The following CSMD1 variants were observed in gnomAD, a reference collection of about 807,000 sequenced individuals.
The protein encoded by CSMD1 is CUB and sushi domain-containing protein 1.
CSMD1 carries 213 observed loss-of-function variants against 417.5 expected under a neutral mutation model. The ratio of observed to expected loss-of-function variants is 0.51; its 90% CI spans 0.46 to 0.57. CSMD1 has a LOEUF of 0.57. CSMD1 is among the 20% of genes least tolerant of loss of function. The pLI is 0.00. For synonymous variants in CSMD1, 2,862 were observed against 1,736.8 expected (o/e 1.65, Z -16.11); for missense variants, 6,923 against 4,529.7 (o/e 1.53, Z -15.17).
At chr8:4,185,158 A>C (rs1185754494) in intron 3 of CSMD1, among the ~76,000 whole-genome samples, 2 of 149,730 alleles carry the variant, frequency 1.3e-5, no homozygotes, top group African/African-American at 4.9e-5. Flanking sequence ...AAAAAAAAAA[A>C]AAAAGCAAAC....
intron 12 of CSMD1, among the ~76,000 whole-genome samples, chr8:3,427,171 G>C (rs944806993): frequency 6.6e-6 from 1 of 152,134 alleles, no homozygotes; most frequent in Non-Finnish European, 1.5e-5. Flanking sequence ...ATCAAGATGA[G>C]ATTTTGGGTG....
chr8:3,736,284 C>A (rs115628427), intron 6 of CSMD1, among the ~76,000 whole-genome samples: 3,860 of 152,090 alleles, frequency 0.025, 157 homozygotes, highest in African/African-American at 0.088. Flanking sequence ...CTGTGTCACC[C>A]AGGCTAGAGT....
At chr8:4,451,773 G>C (rs1221439733) in intron 2 of CSMD1, among the ~76,000 whole-genome samples, 1 of 152,096 alleles carries the variant, frequency 6.6e-6, no homozygotes, top group East Asian at 1.9e-4. Context: ...ACCATCAGTA[G>C]TATTTGAGCA....
chr8:2,989,463 C>G (rs581502), intron 54 of CSMD1, among the ~76,000 whole-genome samples: 1,734 of 152,302 alleles, frequency 0.011, 27 homozygotes, highest in African/African-American at 0.04. Flanking sequence ...CATTAACCTC[C>G]TCCTCCATCC....
At chr8:3,329,323 G>T (rs1209435841) in intron 23 of CSMD1, among the ~76,000 whole-genome samples, 1 of 152,050 alleles carries the variant, frequency 6.6e-6, no homozygotes, top group Non-Finnish European at 1.5e-5. Context: ...CTAAGAGCAG[G>T]CTTCATCATG....
chr8:4,366,589 T>A (rs991475223), intron 3 of CSMD1, among the ~76,000 whole-genome samples: 5 of 152,170 alleles, frequency 3.3e-5, no homozygotes, highest in African/African-American at 1.2e-4. Flanking sequence ...CACCAGCATC[T>A]GTTGTTTTTT....
At chr8:4,932,917 G>A (rs1405536591) in intron 1 of CSMD1, among the ~76,000 whole-genome samples, 18 of 152,160 alleles carry the variant, frequency 1.2e-4, no homozygotes, top group Admixed American at 9.2e-4. Flanking sequence ...CTGCCTAATA[G>A]TGAATTAAAT....
At chr8:4,707,144 G>A (rs1340701541) in intron 1 of CSMD1, among the ~76,000 whole-genome samples, 3 of 152,258 alleles carry the variant, frequency 2.0e-5, no homozygotes, top group African/African-American at 4.8e-5. Flanking sequence ...ACAGTGATCT[G>A]GGTGAAAATA....
At chr8:4,775,626 T>C (rs1045546713) in intron 1 of CSMD1, among the ~76,000 whole-genome samples, 7 of 152,200 alleles carry the variant, frequency 4.6e-5, no homozygotes, top group African/African-American at 1.7e-4. Flanking sequence ...AAGCAAACTT[T>C]AGACAACACT....
rs1436648152 is a variant in CSMD1, at chr8:3,887,729, G to A, written c.818+110174C>T. Among the ~76,000 whole-genome samples the A allele has an allele frequency of 2.6e-5, 4 of 152,130 alleles. No individual in the cohort carries two copies. In the East Asian group the frequency reaches 5.8e-4, roughly 22 times the overall value. ...TTGGAAGGAAATAGCTTTGATCTGTGGATAGAAAAAACTCAGATTACTGTA... is the reference window on the plus strand; with the variant it reads ...TTGGAAGGAAATAGCTTTGATCTGTAGATAGAAAAAACTCAGATTACTGTA... On this transcript the variant is annotated intron_variant, in intron 5 of 69. Transcript: ENST00000635120.
chr8:4,549,517 G>A (rs765529195), intron 2 of CSMD1, among the ~76,000 whole-genome samples: 3 of 151,936 alleles, frequency 2.0e-5, no homozygotes, highest in Non-Finnish European at 4.4e-5. Flanking sequence ...AGATAATTTT[G>A]CAATTCCTCC....
intron 5 of CSMD1, among the ~76,000 whole-genome samples, chr8:3,995,533 A>T (rs1237060382): frequency 6.6e-6 from 1 of 152,184 alleles, no homozygotes; most frequent in African/African-American, 2.4e-5. Flanking sequence ...CCTGGACTAC[A>T]CTGACTGAGG....
At chr8:4,834,998 AAAG>A in intron 1 of CSMD1, among the ~76,000 whole-genome samples, 1 of 86,132 alleles carries the variant, frequency 1.2e-5, no homozygotes, top group Non-Finnish European at 2.2e-5. Flanking sequence ...AGAAAGAAAG[AAAG>A]AAAGAAAGAA....
intron 4 of CSMD1, among the ~76,000 whole-genome samples, chr8:4,016,241 T>C (rs17068551): frequency 0.09 from 13,714 of 152,204 alleles, 665 homozygotes; most frequent in Middle Eastern, 0.13. Flanking sequence ...TCCATTCCCT[T>C]TGCTTTCCTG....
chr8:4,681,498 A>G (rs1806049093), intron 1 of CSMD1, among the ~76,000 whole-genome samples: 1 of 152,164 alleles, frequency 6.6e-6, no homozygotes, highest in African/African-American at 2.4e-5. Flanking sequence ...TGATGTCTCA[A>G]TACGTTGTTA....
At chr8:3,342,519 A>T (rs1210987923) in intron 23 of CSMD1, among the ~76,000 whole-genome samples, 1 of 152,216 alleles carries the variant, frequency 6.6e-6, no homozygotes, top group African/African-American at 2.4e-5. Context: ...TATCCACACC[A>T]AATAGCTTTT....
At chr8:4,914,406 C>A (rs944539466) in intron 1 of CSMD1, among the ~76,000 whole-genome samples, 1 of 151,914 alleles carries the variant, frequency 6.6e-6, no homozygotes, top group Non-Finnish European at 1.5e-5. Flanking sequence ...GAAACTCCGT[C>A]TCCACTAAAA....
chr8:3,866,276 T>A (rs1301393886), intron 5 of CSMD1, among the ~76,000 whole-genome samples: 1 of 152,224 alleles, frequency 6.6e-6, no homozygotes, highest in African/African-American at 2.4e-5. Context: ...ACAACATTTT[T>A]AAATAAATAC....
At chr8:4,315,912 C>G (rs1343537223) in intron 3 of CSMD1, among the ~76,000 whole-genome samples, 2 of 152,056 alleles carry the variant, frequency 1.3e-5, no homozygotes, top group African/African-American at 2.4e-5. Flanking sequence ...AAGATGCACT[C>G]AAATGTACAA....
Sources: gnomAD v4.1 joint callset for allele counts (sites outside exome capture counted in the v4.1 genomes callset) on GRCh38, gnomAD v4.1.1 for gene constraint, MANE v1.5 for transcripts, NCBI Gene and HGNC (gene_info 2026-07-23, HGNC 2026-07-21) for gene names.